Variants in PARP16 observed in about 807,000 individuals in gnomAD.
PARP16 encodes the protein protein mono-ADP-ribosyltransferase PARP16.
Under a neutral mutation model 35.0 loss-of-function variants are expected in PARP16, and 31 were observed. The ratio of observed to expected loss-of-function variants is 0.88; its 90% CI spans 0.66 to 1.19. PARP16 has a LOEUF of 1.19. PARP16 is among the 50% of genes most tolerant of loss of function. PARP16 has a pLI of 0.00. For missense variants in PARP16, 424 were observed against 411.2 expected, an observed-to-expected ratio of 1.03 and a Z score of -0.27; for synonymous variants, 162 against 169.5, an observed-to-expected ratio of 0.96 and a Z score of 0.34.
At chr15:65,271,151 C>CAACAAGTG in intron 1 of PARP16, 79 bp from the exon 2 acceptor site, 1 of 1,403,344 alleles carries the variant, frequency 7.1e-7, no homozygotes, top group Non-Finnish European at 1.0e-6. Flanking sequence ...GGAAGGCAGG[C>CAACAAGTG]AACGTTCACT....
intron 1 of PARP16, among the ~76,000 whole-genome samples, chr15:65,279,397 G>T: frequency 6.6e-6 from 1 of 152,250 alleles, no homozygotes; most frequent in Non-Finnish European, 1.5e-5. Context: ...GCATTTCTGG[G>T]ATCGTTGGAA....
chr15:65,240,316 G>A (rs1313620239), intron 3 of PARP16, among the ~76,000 whole-genome samples: 1 of 128,468 alleles, frequency 7.8e-6, no homozygotes. Context: ...GTGTGGTGGG[G>A]GGGGCTAGTG....
chr15:65,235,784 A>C (rs1261670381), intron 3 of PARP16, among the ~76,000 whole-genome samples: 2 of 150,686 alleles, frequency 1.3e-5, no homozygotes, highest in African/African-American at 4.9e-5. Flanking sequence ...CCTTTGATTC[A>C]TAATGGCGTC....
intron 1 of PARP16, among the ~76,000 whole-genome samples, chr15:65,279,493 A>C (rs1204466507): frequency 6.6e-6 from 1 of 152,142 alleles, no homozygotes; most frequent in Non-Finnish European, 1.5e-5. Flanking sequence ...CTTTCTAGAC[A>C]CATACCTACC....
chr15:65,259,408 T>G lies in PARP16; in HGVS notation c.968A>C (p.Ter323SerextTer66), dbSNP rs1375120680. 1.2e-6 allele frequency: 2 copies of G among 1,614,078 alleles called. No individual in the cohort carries two copies. Among genetic ancestry groups the G allele is most frequent in the South Asian group, 1.1e-5 (1 of 91,072 alleles). The part of the protein sequence containing the change: ...FQHFWNRAKR[*>S] ...GCCCCCACACCAGGCCCAGAAAGATTATCTTTTCGCACGATTCCAAAAGTG... is the reference window on the plus strand; with the variant it reads ...GCCCCCACACCAGGCCCAGAAAGATGATCTTTTCGCACGATTCCAAAAGTG... Residue 323 changes from the stop codon to serine (S), a stop_lost, in exon 6 of 6, where the codon TAA becomes TCA. Coordinates refer to ENST00000649807, the MANE Select transcript of PARP16 (RefSeq NM_001316943.2).
chr15:65,249,267 G>A (rs1030155294), intron 2 of PARP16, among the ~76,000 whole-genome samples: 4 of 152,220 alleles, frequency 2.6e-5, no homozygotes, highest in Admixed American at 1.3e-4. Flanking sequence ...TGAGTGTGAC[G>A]ACTTCAGATC....
intron 3 of PARP16, among the ~76,000 whole-genome samples, chr15:65,238,105 G>A (rs950620459): frequency 1.3e-5 from 2 of 152,132 alleles, no homozygotes; most frequent in African/African-American, 4.8e-5. Flanking sequence ...GGCCAACATG[G>A]TGAAACCCTG....
intron 2 of PARP16, among the ~76,000 whole-genome samples, chr15:65,268,106 A>C (rs549645673): frequency 1.3e-5 from 2 of 152,278 alleles, no homozygotes; most frequent in South Asian, 2.1e-4. Flanking sequence ...GTGGTTTTGC[A>C]GGTGGGATTC....
intron 1 of PARP16, among the ~76,000 whole-genome samples, chr15:65,278,138 G>C (rs2090312395): frequency 6.6e-6 from 1 of 152,166 alleles, no homozygotes; most frequent in Admixed American, 6.5e-5. Context: ...GTCCCCCAGG[G>C]CCCGAGAGGT....
At chr15:65,271,181 T>A in intron 1 of PARP16, 109 bp from the exon 2 acceptor site, 1 of 1,009,994 alleles carries the variant, frequency 9.9e-7, no homozygotes, top group Non-Finnish European at 1.5e-6. Flanking sequence ...TCTCAAGGGA[T>A]CTCCTGAGAG....
chr15:65,280,729 G>A (rs2090396869), intron 1 of PARP16, among the ~76,000 whole-genome samples: 1 of 152,088 alleles, frequency 6.6e-6, no homozygotes, highest in Non-Finnish European at 1.5e-5. Flanking sequence ...ACAGAGAGGA[G>A]CTTATATGCG....
chr15:65,266,186 C>T (rs779435590), intron 3 of PARP16, among the ~76,000 whole-genome samples: 17 of 152,118 alleles, frequency 1.1e-4, no homozygotes, highest in Non-Finnish European at 1.6e-4. Flanking sequence ...GGATTACAGG[C>T]GTGAGCCACT....
At chr15:65,268,296 A>G (rs951322800) in intron 2 of PARP16, among the ~76,000 whole-genome samples, 24 of 152,118 alleles carry the variant, frequency 1.6e-4, no homozygotes, top group Admixed American at 7.2e-4. Flanking sequence ...CTTGTCTGCT[A>G]TAGAGTATGA....
At chr15:65,232,305 C>T (rs570548678), downstream of PARP16, among the ~76,000 whole-genome samples, 2 of 152,266 alleles carry the variant, frequency 1.3e-5, no homozygotes, top group East Asian at 3.9e-4. Context: ...CCCTGAGTTT[C>T]TCTCAGTAGT....
intron 2 of PARP16, among the ~76,000 whole-genome samples, chr15:65,268,694 T>C (rs912119747): frequency 6.6e-5 from 10 of 152,124 alleles, no homozygotes; most frequent in African/African-American, 2.4e-4. Context: ...TCCTCCCACC[T>C]TGGCCTCCCA....
At chr15:65,284,996 C>CT (rs1431179793) in intron 1 of PARP16, among the ~76,000 whole-genome samples, 9 of 151,746 alleles carry the variant, frequency 5.9e-5, no homozygotes, top group Non-Finnish European at 1.5e-5. Flanking sequence ...TTAAAGAAAT[C>CT]TTTTTTGCCT....
chr15:65,273,294 A>AAAAAAAAAAAAAAAAC (rs2090148930), intron 1 of PARP16, among the ~76,000 whole-genome samples: 1 of 149,484 alleles, frequency 6.7e-6, no homozygotes, highest in Non-Finnish European at 1.5e-5. Context: ...AAAAAAAAAA[A>AAAAAAAAAAAAAAAAC]GAATACCTGT....
At chr15:65,257,398 C>T (rs2089546356), downstream of PARP16, among the ~76,000 whole-genome samples, 1 of 151,248 alleles carries the variant, frequency 6.6e-6, no homozygotes, top group Non-Finnish European at 1.5e-5. Flanking sequence ...TGCACCACTG[C>T]ACTCTAGCCT....
chr15:65,270,677 G>A (rs999175601), intron 2 of PARP16, among the ~76,000 whole-genome samples: 8 of 152,176 alleles, frequency 5.3e-5, no homozygotes, highest in Non-Finnish European at 8.8e-5. Context: ...GAAGCGGAGG[G>A]ACTGAAATGC....
Sources: gnomAD v4.1 joint callset for allele counts (sites outside exome capture counted in the v4.1 genomes callset) on GRCh38, gnomAD v4.1.1 for gene constraint, MANE v1.5 for transcripts, NCBI Gene and HGNC (gene_info 2026-07-23, HGNC 2026-07-21) for gene names.